The following DACH2 variants were observed in gnomAD, a reference collection of about 807,000 sequenced individuals.
DACH2 encodes dachshund family transcription factor 2.
In DACH2, 17 loss-of-function variants were observed where a neutral mutation model predicts 35.8. That is an observed-to-expected ratio of 0.48 (90% CI 0.33 to 0.71). The LOEUF (loss-of-function observed/expected upper bound fraction) is 0.71. DACH2 is among the 30% of genes least tolerant of loss of function. DACH2 has a pLI of 0.02. For synonymous variants in DACH2, 195 were observed against 177.3 expected (o/e 1.10, Z -0.79); for missense variants, 469 against 472.7 (o/e 0.99, Z 0.07).
chrX:86,355,675 C>T (rs920892856), intron 1 of DACH2, among the ~76,000 whole-genome samples: 6 of 111,349 alleles, frequency 5.4e-5, no homozygotes, highest in African/African-American at 1.3e-4. Flanking sequence ...ACTACAGGTG[C>T]GGGCCACCAC....
At chrX:86,184,812 G>A (rs1405727948) in intron 1 of DACH2, among the ~76,000 whole-genome samples, 3 of 111,500 alleles carry the variant, frequency 2.7e-5, no homozygotes, top group Non-Finnish European at 3.8e-5. Flanking sequence ...GAGGGCTACC[G>A]GACACAGATT....
chrX:86,218,753 AATTG>A (rs765302411), intron 1 of DACH2, among the ~76,000 whole-genome samples: 6 of 112,038 alleles, frequency 5.4e-5, no homozygotes, highest in Non-Finnish European at 9.4e-5. Context: ...TAATAAGGAC[AATTG>A]ATTTTTATGT....
intron 3 of DACH2, among the ~76,000 whole-genome samples, chrX:86,636,029 A>C (rs759616832): frequency 9.5e-4 from 107 of 112,357 alleles, no homozygotes; most frequent in African/African-American, 3.0e-3. Flanking sequence ...AGAGAAAACT[A>C]TTTTAAAATT....
chrX:86,160,358 AGAG>A, intron 1 of DACH2: 2 of 822,911 alleles, frequency 2.4e-6, no homozygotes, highest in Admixed American at 2.3e-5. Context: ...AAAGTGACCC[AGAG>A]GAGGATAGTC....
intron 7 of DACH2, among the ~76,000 whole-genome samples, chrX:86,802,942 G>A (rs1029935414): frequency 8.9e-6 from 1 of 112,026 alleles, no homozygotes; most frequent in Non-Finnish European, 1.9e-5. Context: ...GCCAATTTAT[G>A]ATGCAAACTG....
chrX:86,420,744 A>G (rs1433234930), intron 2 of DACH2, among the ~76,000 whole-genome samples: 1 of 111,599 alleles, frequency 9.0e-6, no homozygotes, highest in African/African-American at 3.2e-5. Flanking sequence ...TTTAAAGAAC[A>G]CAAGAAATTG....
chrX:86,803,875 G>C (rs1437453870), intron 7 of DACH2, among the ~76,000 whole-genome samples: 1 of 111,187 alleles, frequency 9.0e-6, no homozygotes, highest in African/African-American at 3.3e-5. Flanking sequence ...GTGTTAAATG[G>C]GATGGCCAGT....
intron 2 of DACH2, among the ~76,000 whole-genome samples, chrX:86,451,723 C>A (rs1248312228): frequency 9.0e-6 from 1 of 111,215 alleles, no homozygotes; most frequent in African/African-American, 3.3e-5. Context: ...TGTGTCATCT[C>A]TGATTTTTTT....
Position 86,610,418 on chromosome X carries a change from T to TTTTC in DACH2, c.641-40590_641-40587dup, listed in dbSNP as rs1158163139. Among the ~76,000 whole-genome samples the TTTTC allele has an allele frequency of 4.5e-3, 279 of 62,159 alleles. 7 individuals are homozygous for TTTTC. The highest frequency in any genetic ancestry group is 0.021 in the Middle Eastern group (3 of 143). 54.0% of individuals were successfully genotyped at this position (62,159 alleles called of 115,157 possible). The stretch of plus-strand genomic sequence containing the variant: ...CTTTCTTTCTTTCTTTCTTTCTTTC[T>TTTTC]TTTCTTTCTTTCTTTCTTTCTTTCT... On this transcript the variant is annotated intron_variant, in intron 3 of 11. Transcript: ENST00000373125.
At chrX:86,173,299 G>C (rs1293993491) in intron 1 of DACH2, among the ~76,000 whole-genome samples, 1 of 111,792 alleles carries the variant, frequency 8.9e-6, no homozygotes, top group Admixed American at 9.5e-5. Flanking sequence ...TGGTATTGTG[G>C]ATGTGGGAAG....
chrX:86,195,048 C>G (rs1309443667), intron 1 of DACH2, among the ~76,000 whole-genome samples: 1 of 112,909 alleles, frequency 8.9e-6, no homozygotes, highest in Non-Finnish European at 1.9e-5. Context: ...TGGCCATGCA[C>G]CAGTCCTCCT....
chrX:86,732,239 C>T (rs1157331827), intron 6 of DACH2, among the ~76,000 whole-genome samples: 1 of 111,729 alleles, frequency 9.0e-6, no homozygotes, highest in Non-Finnish European at 1.9e-5. Flanking sequence ...TTCAGTTACC[C>T]AGAAAGGACA....
chrX:86,693,783 T>G (rs2041035678), intron 4 of DACH2, among the ~76,000 whole-genome samples: 1 of 111,891 alleles, frequency 8.9e-6, no homozygotes, highest in South Asian at 3.7e-4. Context: ...ATGAATGTTT[T>G]TGTTATAATG....
At chrX:86,320,789 G>A (rs1423051382) in intron 1 of DACH2, among the ~76,000 whole-genome samples, 2 of 111,854 alleles carry the variant, frequency 1.8e-5, no homozygotes, top group African/African-American at 6.5e-5. Flanking sequence ...CTTCCTTTTT[G>A]ACAGATAGAG....
At chrX:86,300,274 T>C (rs1233561036) in intron 1 of DACH2, among the ~76,000 whole-genome samples, 1 of 112,254 alleles carries the variant, frequency 8.9e-6, no homozygotes, top group Non-Finnish European at 1.9e-5. Context: ...GAAAAATGTG[T>C]ATATTTAATT....
At chrX:86,329,789 G>T (rs1286501377) in intron 1 of DACH2, among the ~76,000 whole-genome samples, 4 of 111,524 alleles carry the variant, frequency 3.6e-5, no homozygotes, top group Non-Finnish European at 7.5e-5. Flanking sequence ...CAGCCTGTGG[G>T]ATTTGGAGTT....
intron 1 of DACH2, among the ~76,000 whole-genome samples, chrX:86,336,679 T>A (rs2035317535): frequency 9.0e-6 from 1 of 110,689 alleles, no homozygotes; most frequent in Non-Finnish European, 1.9e-5. Context: ...CTCCAAAGGA[T>A]CACAACTTTT....
Position 86,461,945 on chromosome X carries a change from G to GA in DACH2, c.528-52328dup, listed in dbSNP as rs1409566205. Among the ~76,000 whole-genome samples the GA allele has an allele frequency of 2.7e-5, 3 of 110,727 alleles. No homozygotes were observed. The Admixed American group carries it at 2.9e-4, about 11-fold the overall frequency. On this transcript the variant is annotated intron_variant, in intron 2 of 11. Transcript: ENST00000373125. ...GGGTATATTTTCTCTGTTACCTGTG[G>GA]AAAAAATATTATAGGCTCAGAACTT...
intron 3 of DACH2, among the ~76,000 whole-genome samples, chrX:86,599,466 TTTTCTTTC>T (rs534501331): frequency 2.1e-3 from 131 of 62,769 alleles, no homozygotes; most frequent in South Asian, 0.015. Context: ...TCCTTCCTTC[TTTTCTTTC>T]TTTCTTTCTT....
Sources: allele counts gnomAD v4.1 joint callset (sites outside exome capture counted in the v4.1 genomes callset), GRCh38; gene constraint gnomAD v4.1.1; transcripts MANE v1.5; gene names NCBI Gene and HGNC (gene_info 2026-07-23, HGNC 2026-07-21).